The following KIAA1549L variants were observed in gnomAD, a reference collection of about 807,000 sequenced individuals.
KIAA1549L encodes KIAA1549 like.
Under a neutral mutation model 160.7 loss-of-function variants are expected in KIAA1549L, and 88 were observed. The ratio of observed to expected loss-of-function variants is 0.55; its 90% CI spans 0.46 to 0.65. The LOEUF (loss-of-function observed/expected upper bound fraction) is 0.65, where lower values mean the gene tolerates loss of function less well. KIAA1549L is among the 30% of genes least tolerant of loss of function. The probability of loss-of-function intolerance (pLI) is 0.00; values close to 1 mark genes in which losing one functional copy is unlikely to be tolerated. For synonymous variants in KIAA1549L, 950 were observed against 976.7 expected, an observed-to-expected ratio of 0.97 and a Z score of 0.51; for missense variants, 2,258 against 2,437.5, an observed-to-expected ratio of 0.93 and a Z score of 1.55.
At chr11:33,512,031 C>T (rs1853238381) in intron 1 of KIAA1549L, among the ~76,000 whole-genome samples, 1 of 152,208 alleles carries the variant, frequency 6.6e-6, no homozygotes, top group Admixed American at 6.5e-5. Context: ...TTTCTACAAG[C>T]TAGTTAGCCG....
In KIAA1549L at chr11:33,530,428, AAAAAAAAAATATATAT is replaced by A. The variant is rs1232628084; in HGVS notation, c.239-11372_239-11357del. Among the ~76,000 whole-genome samples the A allele has an allele frequency of 1.2e-3, 24 of 20,554 alleles. 1 individual carries two copies. Among genetic ancestry groups the A allele is most frequent in the East Asian group, 5.0e-3 (5 of 1,004 alleles). The allele number at this position is 20,554 out of a possible 152,430, so 13.5% of individuals were successfully genotyped here. A position where few individuals can be genotyped will look rare whatever the true frequency, so the allele number is the denominator to read the frequency against. On this transcript the variant is annotated intron_variant, in intron 1 of 20. Transcript: ENST00000658780. ...AGAAGAAGAAGGAAAAAAAAAAAAA[AAAAAAAAAATATATAT>A]ATATATATATATATATATATATATA...
At chr11:33,546,744 A>G (rs921322621) in intron 3 of KIAA1549L, among the ~76,000 whole-genome samples, 1 of 152,208 alleles carries the variant, frequency 6.6e-6, no homozygotes, top group Admixed American at 6.5e-5. Context: ...CAGGGGATCT[A>G]TTCCGAGACC....
At position 33,470,796 on chromosome 11, in the gene KIAA1549L, TTTTTCTTCTTTGTTTTG is replaced by T. The variant is rs374104076; in HGVS notation, c.239-70993_239-70977del. Among the ~76,000 whole-genome samples, 216 of 152,240 alleles carry T rather than the reference TTTTTCTTCTTTGTTTTG, an allele frequency of 1.4e-3. 1 individual carries two copies. The highest frequency in any genetic ancestry group is 5.0e-3 in the African/African-American group (206 of 41,526). On this transcript the variant is annotated intron_variant, in intron 1 of 20. Coordinates refer to ENST00000658780, the MANE Select transcript of KIAA1549L (RefSeq NM_012194.3). ...TCCAGGAAGTTAGAGTTTTCTGACTTTTTTCTTCTTTGTTTTGTTTTCTTCTTTGGCTTTGTTTTGGT... is the reference window on the plus strand; with the variant it reads ...TCCAGGAAGTTAGAGTTTTCTGACTTTTTTCTTCTTTGGCTTTGTTTTGGT...
chr11:33,501,330 GT>G (rs1852943398), intron 1 of KIAA1549L, among the ~76,000 whole-genome samples: 1 of 152,216 alleles, frequency 6.6e-6, no homozygotes, highest in Non-Finnish European at 1.5e-5. Flanking sequence ...TGCTGGTGCT[GT>G]CAAAAAATTG....
In KIAA1549L at chr11:33,670,632, G is replaced by A. The variant is rs1475605087; in HGVS notation, c.*2478G>A. On this transcript the variant is annotated 3_prime_UTR_variant, in exon 21 of 21. Coordinates refer to ENST00000658780, the MANE Select transcript of KIAA1549L (RefSeq NM_012194.3). Reference sequence around the variant, plus strand: ...CTCTGGTCAGATTTTCTGTGAGTGAGATGTGGTCCCTTCCCTGAAGAATCT... The same window carrying A: ...CTCTGGTCAGATTTTCTGTGAGTGAAATGTGGTCCCTTCCCTGAAGAATCT... 6.6e-6 allele frequency: 1 copy of A among 152,258 alleles called. No individual in the cohort carries two copies. Among genetic ancestry groups the A allele is most frequent in the Non-Finnish European group, 1.5e-5 (1 of 68,060 alleles). The allele number at this position is 152,258 out of a possible 1,614,324, so 9.4% of individuals were successfully genotyped here.
At chr11:33,432,008 G>A (rs1330226690) in intron 1 of KIAA1549L, among the ~76,000 whole-genome samples, 1 of 152,198 alleles carries the variant, frequency 6.6e-6, no homozygotes, top group African/African-American at 2.4e-5. Flanking sequence ...CTCATTGCCC[G>A]GGGCCGGCAT....
intron 16 of KIAA1549L, among the ~76,000 whole-genome samples, chr11:33,634,876 A>T (rs976536048): frequency 3.9e-5 from 6 of 152,212 alleles, no homozygotes; most frequent in Non-Finnish European, 7.3e-5. Flanking sequence ...ACATCCTCAT[A>T]GCCCTGGAGT....
chr11:33,428,845 C>T (rs1225255436), intron 1 of KIAA1549L, among the ~76,000 whole-genome samples: 5 of 152,174 alleles, frequency 3.3e-5, no homozygotes, highest in Non-Finnish European at 7.3e-5. Context: ...CAAATGGTAT[C>T]TCTAGTTCTA....
intron 1 of KIAA1549L, among the ~76,000 whole-genome samples, chr11:33,535,315 C>T (rs565392527): frequency 3.3e-5 from 5 of 152,044 alleles, no homozygotes; most frequent in South Asian, 2.1e-4. Context: ...TTGCAATATG[C>T]GGTATTATAT....
At position 33,568,083 on chromosome 11, in the gene KIAA1549L, G is replaced by A; in HGVS notation, c.4086G>A (p.Gln1362=). 6.2e-7 allele frequency: 1 copy of A among 1,610,448 alleles called. No individual in the cohort carries two copies. Among genetic ancestry groups the A allele is most frequent in the Non-Finnish European group, 8.5e-7 (1 of 1,178,350 alleles). Reference sequence around the variant, plus strand: ...TGCCTTCTGCATCCACAGTGCTGCAGGGTGTGGACAATTCGCTGGTGGGCC... The same window carrying A: ...TGCCTTCTGCATCCACAGTGCTGCAAGGTGTGGACAATTCGCTGGTGGGCC... ...TRDYWVITVL[Q]GVDNSLVGLH... is the part of the protein sequence containing the mutation. Residue 1362 remains glutamine (Q), a synonymous_variant, in exon 9 of 21, where the codon CAG becomes CAA. Coordinates refer to ENST00000658780, the MANE Select transcript of KIAA1549L (RefSeq NM_012194.3).
At position 33,591,335 on chromosome 11, in the gene KIAA1549L, G is replaced by T; in HGVS notation, c.4665G>T (p.Leu1555=). The change falls in exon 12 of 21, where the codon CTG becomes CTT. Residue 1555 remains leucine, a synonymous_variant. Transcript: ENST00000658780. ...PVTQETVVLP[L]PIRDAPQERD... ...CTCAGGAGACAGTGGTTCTCCCACT[G>T]CCCATTAGAGATGCTCCTCAGGAAA... 1 of 1,613,664 alleles carries T rather than the reference G, an allele frequency of 6.2e-7. No individual in the cohort carries two copies. Among genetic ancestry groups the T allele is most frequent in the Non-Finnish European group, 8.5e-7 (1 of 1,179,640 alleles).
intron 15 of KIAA1549L, among the ~76,000 whole-genome samples, chr11:33,616,134 G>A (rs912274413): frequency 1.3e-5 from 2 of 152,164 alleles, no homozygotes; most frequent in Admixed American, 6.5e-5. Flanking sequence ...ATATTATTGA[G>A]CATTATTGAA....
chr11:33,485,769 C>T (rs993608615), intron 1 of KIAA1549L, among the ~76,000 whole-genome samples: 28 of 152,126 alleles, frequency 1.8e-4, no homozygotes, highest in African/African-American at 6.8e-4. Flanking sequence ...CTTTGACTAA[C>T]ATCTCCCCAT....
chr11:33,453,138 C>T (rs1464209784), intron 1 of KIAA1549L, among the ~76,000 whole-genome samples: 2 of 152,184 alleles, frequency 1.3e-5, no homozygotes, highest in African/African-American at 2.4e-5. Flanking sequence ...AAAGCTGGAT[C>T]CCTGCAAATG....
At chr11:33,472,275 C>CTT (rs76771436) in intron 1 of KIAA1549L, among the ~76,000 whole-genome samples, 195 of 102,704 alleles carry the variant, frequency 1.9e-3, no homozygotes, top group East Asian at 6.1e-3. Context: ...TCATGCCTGG[C>CTT]TTTTTTTTTT....
intron 9 of KIAA1549L, among the ~76,000 whole-genome samples, chr11:33,570,372 G>A (rs934479293): frequency 6.6e-6 from 1 of 152,148 alleles, no homozygotes; most frequent in Non-Finnish European, 1.5e-5. Context: ...AGGGAAGCGG[G>A]TGGGGGTTTA....
At chr11:33,468,915 G>T (rs2133020323) in intron 1 of KIAA1549L, among the ~76,000 whole-genome samples, 1 of 152,288 alleles carries the variant, frequency 6.6e-6, no homozygotes, top group South Asian at 2.1e-4. Flanking sequence ...CAGGAAGGTA[G>T]AAAAAGTAAA....
chr11:33,559,485 T>A (rs2133214740), intron 6 of KIAA1549L, among the ~76,000 whole-genome samples: 1 of 152,318 alleles, frequency 6.6e-6, no homozygotes. Context: ...TTTCCTCATC[T>A]GTGAAAGGGC....
At chr11:33,590,726 G>A (rs1336874340) in intron 11 of KIAA1549L, among the ~76,000 whole-genome samples, 4 of 152,232 alleles carry the variant, frequency 2.6e-5, no homozygotes, top group East Asian at 1.9e-4. Flanking sequence ...GGTGGTAGAA[G>A]TAAAGCAGAT....
Sources: allele counts gnomAD v4.1 joint callset (sites outside exome capture counted in the v4.1 genomes callset), GRCh38; gene constraint gnomAD v4.1.1; transcripts MANE v1.5; gene names NCBI Gene and HGNC (gene_info 2026-07-23, HGNC 2026-07-21).